Variants in CDK14 observed in about 807,000 individuals in gnomAD.
CDK14 encodes the protein cyclin-dependent kinase 14.
CDK14 carries 34 observed loss-of-function variants against 60.7 expected under a neutral mutation model. The observed-to-expected ratio is 0.56, with a 90% CI of 0.43 to 0.75. CDK14 has a LOEUF of 0.75. Among genes scored for constraint, CDK14 ranks in the 30% least tolerant of loss-of-function variants. The pLI, the probability that CDK14 is intolerant of heterozygous loss-of-function variation, is 0.00. For synonymous variants in CDK14, 197 were observed against 203.7 expected (o/e 0.97, Z 0.28); for missense variants, 482 against 564.1 (o/e 0.85, Z 1.47).
chr7:90,996,616 C>G (rs1277488337), intron 10 of CDK14, among the ~76,000 whole-genome samples: 2 of 152,298 alleles, frequency 1.3e-5, no homozygotes, highest in East Asian at 3.9e-4. Flanking sequence ...TCTCATTTGT[C>G]TCTTTTGACA....
intron 5 of CDK14, among the ~76,000 whole-genome samples, chr7:90,844,326 G>A (rs1790392190): frequency 6.6e-6 from 1 of 152,114 alleles, no homozygotes; most frequent in African/African-American, 2.4e-5. Flanking sequence ...CTTTGATTGG[G>A]GGTGGGGTAA....
chr7:90,996,076 T>C lies in CDK14; in HGVS notation c.1041+11835T>C, dbSNP rs146195765. Among the ~76,000 whole-genome samples, 371 of 152,282 alleles carry C rather than the reference T, an allele frequency of 2.4e-3. 1 individual carries two copies. The highest frequency in any genetic ancestry group is 4.4e-3 in the Non-Finnish European group (301 of 68,022). ...CTGAGTCCTTTGTTTCTCACAGAGA[T>C]ACTTTTGATAGGACCTCAAGGGACC... On this transcript the variant is annotated intron_variant, in intron 10 of 14. Transcript: ENST00000380050.
chr7:91,168,913 GC>G (rs1801430401), intron 14 of CDK14, among the ~76,000 whole-genome samples: 1 of 152,132 alleles, frequency 6.6e-6, no homozygotes, highest in Non-Finnish European at 1.5e-5. Flanking sequence ...CCATGATCCG[GC>G]CCCCTCCCCC....
At chr7:90,778,846 A>ATCTTCCTTCCTTCCTTCCTTCCTT (rs1554335028) in intron 4 of CDK14, among the ~76,000 whole-genome samples, 79 of 127,968 alleles carry the variant, frequency 6.2e-4, no homozygotes, top group African/African-American at 2.4e-3. Context: ...AAATTGACCG[A>ATCTTCCTTCCTTCCTTCCTTCCTT]CCTTCCTTCC....
At chr7:91,165,599 C>T (rs1051306076) in intron 14 of CDK14, among the ~76,000 whole-genome samples, 1 of 152,172 alleles carries the variant, frequency 6.6e-6, no homozygotes, top group African/African-American at 2.4e-5. Flanking sequence ...TCACATTCCA[C>T]CGAGTAAAAT....
intron 5 of CDK14, among the ~76,000 whole-genome samples, chr7:90,808,436 A>G (rs116726559): frequency 0.095 from 14,524 of 152,256 alleles, 791 homozygotes; most frequent in South Asian, 0.11. Flanking sequence ...TGTCACCACC[A>G]GGCCTGCCAT....
chr7:91,095,168 G>A (rs1798944899), intron 12 of CDK14, among the ~76,000 whole-genome samples: 1 of 152,218 alleles, frequency 6.6e-6, no homozygotes, highest in Non-Finnish European at 1.5e-5. Flanking sequence ...AGAGCAATGT[G>A]ATGAAAAAGA....
intron 12 of CDK14, among the ~76,000 whole-genome samples, chr7:91,104,238 T>C (rs1799223715): frequency 6.6e-6 from 1 of 152,086 alleles, no homozygotes; most frequent in Non-Finnish European, 1.5e-5. Context: ...CCCAGTTCCA[T>C]CAGCCTGAGG....
chr7:91,184,904 G>A (rs1802122309), intron 14 of CDK14, among the ~76,000 whole-genome samples: 1 of 151,854 alleles, frequency 6.6e-6, no homozygotes, highest in Non-Finnish European at 1.5e-5. Context: ...TCGGTCATGG[G>A]TGAGGTGAAC....
In CDK14 at chr7:90,751,937, C is replaced by T. The variant is rs116155017; in HGVS notation, c.464+4162C>T. Among the ~76,000 whole-genome samples the T allele has an allele frequency of 9.9e-3, 1,506 of 152,146 alleles. 24 individuals carry two copies. Among genetic ancestry groups the T allele is most frequent in the African/African-American group, 0.033 (1,373 of 41,500 alleles). ...AACAATAAAAAAGGAGAAAGAAGGG[C>T]GTTACATAATGATAAAGTGTTCAAT... is the stretch of plus-strand genomic sequence containing the variant. On this transcript the variant is annotated intron_variant, in intron 4 of 14. Transcript: ENST00000380050.
chr7:90,895,389 T>C (rs539261341), intron 6 of CDK14, among the ~76,000 whole-genome samples: 747 of 3,798 alleles, frequency 0.2, 49 homozygotes, highest in Middle Eastern at 0.5. Context: ...TCCTCTCCTC[T>C]CCTCTCCTCT....
At position 91,208,978 on chromosome 7, in the gene CDK14, A is replaced by C. The variant is rs1433459111; in HGVS notation, c.*1842A>C. The C allele has an allele frequency of 1.3e-5, 2 of 152,608 alleles. No individual in the cohort carries two copies. The highest frequency in any genetic ancestry group is 3.8e-4 in the East Asian group (2 of 5,198). The allele number at this position is 152,608 out of a possible 1,614,324, so 9.5% of individuals were successfully genotyped here. Reference sequence around the variant, plus strand: ...ATTCCAACCCACTGGAAGTCTTTAGAGGTATTTTGATTTAAAGTATACTTA... The same window carrying C: ...ATTCCAACCCACTGGAAGTCTTTAGCGGTATTTTGATTTAAAGTATACTTA... On this transcript the variant is annotated 3_prime_UTR_variant, in exon 15 of 15. Transcript: ENST00000380050.
chr7:90,687,346 A>G (rs538986109), intron 2 of CDK14, among the ~76,000 whole-genome samples: 1 of 152,210 alleles, frequency 6.6e-6, no homozygotes, highest in South Asian at 2.1e-4. Context: ...CTGGTCTAAA[A>G]GTTAGGCCAA....
At chr7:90,993,922 T>C (rs1304484654) in intron 10 of CDK14, among the ~76,000 whole-genome samples, 1 of 152,196 alleles carries the variant, frequency 6.6e-6, no homozygotes, top group Non-Finnish European at 1.5e-5. Flanking sequence ...CTGGAGGCTA[T>C]GGTTTACCTC....
chr7:91,084,803 C>A (rs914193258), intron 12 of CDK14, among the ~76,000 whole-genome samples: 2 of 152,208 alleles, frequency 1.3e-5, no homozygotes, highest in East Asian at 3.8e-4. Flanking sequence ...GCTTTTCATC[C>A]TTTCAGATTA....
intron 6 of CDK14, among the ~76,000 whole-genome samples, chr7:90,897,314 A>G (rs1382343582): frequency 1.3e-5 from 2 of 152,028 alleles, no homozygotes; most frequent in African/African-American, 4.8e-5. Context: ...GTGTTTGGGA[A>G]GCAGTATGAA....
intron 5 of CDK14, among the ~76,000 whole-genome samples, chr7:90,822,292 G>T (rs1789578276): frequency 6.6e-6 from 1 of 152,156 alleles, no homozygotes; most frequent in Admixed American, 6.5e-5. Flanking sequence ...GAGTTTTCTA[G>T]TAAGATTGTA....
At chr7:90,818,904 GTGTGTA>G (rs1336693854) in intron 5 of CDK14, among the ~76,000 whole-genome samples, 1 of 114,238 alleles carries the variant, frequency 8.8e-6, no homozygotes. Context: ...GTGTGTGTGT[GTGTGTA>G]TATATATATA....
At chr7:91,106,455 T>C (rs1799298698) in intron 12 of CDK14, among the ~76,000 whole-genome samples, 1 of 152,144 alleles carries the variant, frequency 6.6e-6, no homozygotes, top group Non-Finnish European at 1.5e-5. Flanking sequence ...TGGGAGGGAA[T>C]GTCTGAAACA....
Sources: gnomAD v4.1 joint callset for allele counts (sites outside exome capture counted in the v4.1 genomes callset) on GRCh38, gnomAD v4.1.1 for gene constraint, MANE v1.5 for transcripts, NCBI Gene and HGNC (gene_info 2026-07-23, HGNC 2026-07-21) for gene names.